Variants in TOM1L2 observed in about 807,000 individuals in gnomAD.
TOM1L2 encodes target of myb1 like 2 membrane trafficking protein, also known as TOM1-like protein 2.
Under a neutral mutation model 67.9 loss-of-function variants are expected in TOM1L2, and 31 were observed. That is an observed-to-expected ratio of 0.46 (90% CI 0.34 to 0.62). The LOEUF (loss-of-function observed/expected upper bound fraction) is 0.62. Among genes scored for constraint, TOM1L2 ranks in the 20% least tolerant of loss-of-function variants. The pLI, the probability that TOM1L2 is intolerant of heterozygous loss-of-function variation, is 0.01. For synonymous variants in TOM1L2, 256 were observed against 254.0 expected, an observed-to-expected ratio of 1.01 and a Z score of -0.07; for missense variants, 606 against 663.5, an observed-to-expected ratio of 0.91 and a Z score of 0.95.
rs573796235 is a variant in TOM1L2, at chr17:17,903,233, TGTGA to T, written c.137+4210_137+4213del. Among the ~76,000 whole-genome samples the T allele has an allele frequency of 1.9e-3, 294 of 152,340 alleles. 1 individual carries two copies. Among genetic ancestry groups the T allele is most frequent in the African/African-American group, 6.9e-3 (285 of 41,570 alleles). On this transcript the variant is annotated intron_variant, in intron 2 of 14. Transcript: ENST00000379504. ...TATATGCCTGCATTCCTCATCAGAC[TGTGA>T]GTACCTTAGAGACTTCATTCATTTA...
intron 4 of TOM1L2, among the ~76,000 whole-genome samples, chr17:17,893,360 G>A (rs761469248): frequency 1.5e-4 from 23 of 152,234 alleles, no homozygotes; most frequent in Non-Finnish European, 2.8e-4. Context: ...CTCTAACATG[G>A]TTCTTCCTAC....
chr17:17,951,319 A>G (rs2041198897), intron 1 of TOM1L2, among the ~76,000 whole-genome samples: 2 of 152,208 alleles, frequency 1.3e-5, no homozygotes, highest in Non-Finnish European at 2.9e-5. Flanking sequence ...AAACAGAATC[A>G]TACTTCTCTG....
At position 17,884,509 on chromosome 17, in the gene TOM1L2, C is replaced by T. The variant is rs2037890909; in HGVS notation, c.501+125G>A. ...CCTTGTTATTAAAAAGGAATGCCCC[C>T]GAGCTTTAAGAAAGCATGATGACAA... is the stretch of plus-strand genomic sequence containing the variant. On this transcript the variant is annotated intron_variant, in intron 5 of 14. Coordinates refer to ENST00000379504, the MANE Select transcript of TOM1L2 (RefSeq NM_001082968.2). 1.3e-5 allele frequency: 18 copies of T among 1,368,286 alleles called. 1 individual carries two copies. The highest frequency in any genetic ancestry group is 2.6e-4 in the Middle Eastern group (1 of 3,824). 84.8% of individuals were successfully genotyped at this position (1,368,286 alleles called of 1,614,324 possible). A position where few individuals can be genotyped will look rare whatever the true frequency, so the allele number is the denominator to read the frequency against.
At chr17:17,894,325 G>A (rs906288073) in intron 3 of TOM1L2, among the ~76,000 whole-genome samples, 1 of 152,224 alleles carries the variant, frequency 6.6e-6, no homozygotes. Flanking sequence ...AATTGGCAAT[G>A]ACAAAGGATT....
chr17:17,901,413 G>A (rs2038850834), intron 2 of TOM1L2, among the ~76,000 whole-genome samples: 1 of 152,208 alleles, frequency 6.6e-6, no homozygotes. Context: ...TCCTCAGGCA[G>A]TGCTCACAGC....
chr17:17,861,658 G>A, intron 11 of TOM1L2, 107 bp from the exon 12 acceptor site: 1 of 960,488 alleles, frequency 1.0e-6, no homozygotes, highest in Non-Finnish European at 1.6e-6. Context: ...TTCCTCAGAT[G>A]TCCTTGGAAA....
intron 1 of TOM1L2, among the ~76,000 whole-genome samples, chr17:17,910,725 A>G (rs1261459587): frequency 2.6e-5 from 4 of 151,898 alleles, no homozygotes; most frequent in Non-Finnish European, 4.4e-5. Flanking sequence ...ACGTGCCACC[A>G]TGCCTGGCTA....
At chr17:17,958,835 C>T (rs567246658) in intron 1 of TOM1L2, among the ~76,000 whole-genome samples, 6 of 152,278 alleles carry the variant, frequency 3.9e-5, no homozygotes, top group South Asian at 2.1e-4. Context: ...AACTTTTAGC[C>T]GTACCCTCAT....
intron 1 of TOM1L2, among the ~76,000 whole-genome samples, chr17:17,949,975 A>T (rs952181951): frequency 4.2e-4 from 64 of 152,084 alleles, no homozygotes; most frequent in African/African-American, 1.5e-3. Flanking sequence ...GGTTCACACC[A>T]TTCTCCCGCC....
At chr17:17,893,844 A>G (rs747601347) in intron 3 of TOM1L2, 34 bp from the exon 4 acceptor site, 1 of 1,604,466 alleles carries the variant, frequency 6.2e-7, no homozygotes, top group Non-Finnish European at 8.5e-7. Context: ...GGGTCACCCC[A>G]GTGGGAGCTG....
At position 17,945,166 on chromosome 17, in the gene TOM1L2, G is replaced by C. The variant is rs116859428; in HGVS notation, c.52+27096C>G. On this transcript the variant is annotated intron_variant, in intron 1 of 14. Transcript: ENST00000379504. Reference sequence around the variant, plus strand: ...AAAAGTCTTTAGCTTTCTTTTCAGAGATGATTTTATGCAGTCATTAGCTAA... The same window carrying C: ...AAAAGTCTTTAGCTTTCTTTTCAGACATGATTTTATGCAGTCATTAGCTAA... 9.2e-5 allele frequency among the ~76,000 whole-genome samples: 14 copies of C among 152,234 alleles called. No homozygotes were observed. In the East Asian group the frequency reaches 2.7e-3, roughly 29 times the overall value.
intron 10 of TOM1L2, 93 bp from the exon 11 acceptor site, chr17:17,862,941 G>A: frequency 4.2e-6 from 2 of 479,854 alleles, no homozygotes; most frequent in Non-Finnish European, 8.0e-6. Flanking sequence ...CAGCCAGGTG[G>A]GTTTAGGTTC....
intron 1 of TOM1L2, among the ~76,000 whole-genome samples, chr17:17,963,126 TG>T (rs1346407912): frequency 6.6e-6 from 1 of 152,194 alleles, no homozygotes; most frequent in African/African-American, 2.4e-5. Context: ...GATGTGATGG[TG>T]CAAGTGTTCT....
intron 1 of TOM1L2, among the ~76,000 whole-genome samples, chr17:17,911,803 C>T (rs1340611403): frequency 1.4e-5 from 2 of 147,534 alleles, no homozygotes; most frequent in African/African-American, 2.5e-5. Flanking sequence ...ACCCTGCGGC[C>T]TTCCGCAGTG....
At chr17:17,960,957 T>A (rs2041653374) in intron 1 of TOM1L2, among the ~76,000 whole-genome samples, 1 of 152,182 alleles carries the variant, frequency 6.6e-6, no homozygotes, top group Non-Finnish European at 1.5e-5. Context: ...TTAAAACTTT[T>A]GTGCATTAAA....
chr17:17,943,205 G>T (rs2144810074), intron 1 of TOM1L2, among the ~76,000 whole-genome samples: 1 of 152,320 alleles, frequency 6.6e-6, no homozygotes, highest in East Asian at 1.9e-4. Flanking sequence ...TAAGGCAGAA[G>T]CAGGTCTCAA....
intron 1 of TOM1L2, among the ~76,000 whole-genome samples, chr17:17,911,898 C>T (rs1295229619): frequency 1.1e-4 from 17 of 148,930 alleles, no homozygotes; most frequent in African/African-American, 4.2e-4. Context: ...TAACAAAGCA[C>T]ATCTTGCACC....
chr17:17,848,670 G>C (rs887208579), intron 14 of TOM1L2, among the ~76,000 whole-genome samples, 153 bp downstream of exon 14: 1 of 152,254 alleles, frequency 6.6e-6, no homozygotes, highest in African/African-American at 2.4e-5. Flanking sequence ...GTAAGACCTG[G>C]GTGGGACAAA....
Position 17,882,791 on chromosome 17 carries a change from A to G in TOM1L2, c.574T>C (p.Tyr192His). ...QSQQRTSAGS[Y>H]SSPPPAPYSA... Reference sequence around the variant, plus strand: ...TAGGGAGCAGGAGGCGGCGAGGAATAGGAACCAGCACTTGTCCTCTGCTGT... The same window carrying G: ...TAGGGAGCAGGAGGCGGCGAGGAATGGGAACCAGCACTTGTCCTCTGCTGT... The change falls in exon 6 of 15, where the codon TAT (tyrosine) becomes CAT (histidine). Residue 192 changes from tyrosine (Y) to histidine (H), a missense_variant. Transcript: ENST00000379504. 6.2e-7 allele frequency: 1 copy of G among 1,614,190 alleles called. No homozygotes were observed. Among genetic ancestry groups the G allele is most frequent in the Non-Finnish European group, 8.5e-7 (1 of 1,180,024 alleles).
Sources: gnomAD v4.1 joint callset for allele counts (sites outside exome capture counted in the v4.1 genomes callset) on GRCh38, gnomAD v4.1.1 for gene constraint, MANE v1.5 for transcripts, NCBI Gene and HGNC (gene_info 2026-07-23, HGNC 2026-07-21) for gene names.